Variants in IHO1 observed in about 807,000 individuals in gnomAD.
IHO1 encodes interactor of HORMAD1 protein 1.
IHO1 carries 13 observed loss-of-function variants against 31.0 expected under a neutral mutation model. The observed-to-expected ratio is 0.42, with a 90% CI of 0.27 to 0.67. The LOEUF is 0.67. IHO1 is among the 30% of genes least tolerant of loss of function. The pLI is 0.24. For missense variants in IHO1, 599 were observed against 687.5 expected (o/e 0.87, Z 1.44); for synonymous variants, 221 against 248.4 (o/e 0.89, Z 1.04).
chr3:49,240,246 G>A (rs1389697618), intron 3 of IHO1, among the ~76,000 whole-genome samples: 2 of 151,710 alleles, frequency 1.3e-5, no homozygotes, highest in Admixed American at 6.6e-5. Context: ...GTTTTGAGAC[G>A]GAGTTTCACT....
intron 1 of IHO1, among the ~76,000 whole-genome samples, chr3:49,204,635 G>A (rs2046112865): frequency 6.6e-6 from 1 of 152,104 alleles, no homozygotes; most frequent in South Asian, 2.1e-4. Context: ...ACCAGAAAGG[G>A]GTCCCAGTCC....
At chr3:49,208,236 A>G (rs1031908971) in intron 1 of IHO1, among the ~76,000 whole-genome samples, 3 of 152,198 alleles carry the variant, frequency 2.0e-5, no homozygotes, top group African/African-American at 7.2e-5. Flanking sequence ...GTTCCCTAGA[A>G]CAGGGGTCTC....
the IHO1 span, chr3:49,191,755 A>G: frequency 6.3e-7 from 1 of 1,577,598 alleles, no homozygotes; most frequent in Non-Finnish European, 8.6e-7. Flanking sequence ...CCAGGAGCCT[A>G]CTAAAGCACT....
chr3:49,251,420 G>T (rs2046757966), intron 6 of IHO1, among the ~76,000 whole-genome samples: 1 of 151,626 alleles, frequency 6.6e-6, no homozygotes. Flanking sequence ...TGAGTAGCTG[G>T]GACTACAGGC....
chr3:49,196,329 T>C (rs2045996076), upstream of IHO1, among the ~76,000 whole-genome samples: 1 of 150,284 alleles, frequency 6.7e-6, no homozygotes, highest in African/African-American at 2.4e-5. Context: ...TTTTACTTTT[T>C]TTTTTTTTTT....
chr3:49,241,389 G>T lies in IHO1; in HGVS notation c.395G>T (p.Ser132Ile). ...AAAAGGGCAAAAGACAAATGTGACA[G>T]GTATGTAAACCTTTCAAATGGATGA... ...KKKRAKDKCD[S>I]ETLYNFVSNV... Residue 132 changes from serine to isoleucine, a missense_variant and splice_region_variant, in exon 4 of 8, where the codon AGT becomes ATT. Ser to Ile is a moderately radical substitution (Grantham distance 142). Coordinates refer to ENST00000452691, the MANE Select transcript of IHO1 (RefSeq NM_001135197.2). 1 of 1,607,896 alleles carries T rather than the reference G, an allele frequency of 6.2e-7. No individual in the cohort carries two copies. Among genetic ancestry groups the T allele is most frequent in the Non-Finnish European group, 8.5e-7 (1 of 1,177,512 alleles).
chr3:49,207,047 CAAAAA>C (rs71077775), intron 1 of IHO1, among the ~76,000 whole-genome samples: 1 of 48,736 alleles, frequency 2.1e-5, no homozygotes, highest in Middle Eastern at 0.013. Context: ...GACTCTGTCT[CAAAAA>C]AAAAAAAAAA....
In IHO1 at chr3:49,256,319, G is replaced by A. The variant is rs143925037; in HGVS notation, c.822G>A (p.Ser274=). The A allele has an allele frequency of 1.9e-4, 299 of 1,614,066 alleles. No individual in the cohort carries two copies. The highest frequency in any genetic ancestry group is 4.9e-4 in the Middle Eastern group (3 of 6,062). Residue 274 remains serine, a synonymous_variant, in exon 8 of 8, where the codon TCG becomes TCA. Coordinates refer to ENST00000452691, the MANE Select transcript of IHO1 (RefSeq NM_001135197.2). The surrounding 1 kb of genome is among the most constrained non-coding windows in gnomAD (Gnocchi z 4.6). ...TGAAAGACAGTGCTTCTCAGACGTC[G>A]CCACCTTTGGCCCAGAGCCTCAATC... is the stretch of plus-strand genomic sequence containing the variant. ...PPVKDSASQT[S]PPLAQSLNLT...
At chr3:49,255,251 G>T in intron 6 of IHO1, 139 bp from the exon 7 acceptor site, 2 of 548,654 alleles carry the variant, frequency 3.6e-6, no homozygotes, top group African/African-American at 2.0e-5. Flanking sequence ...GTCAAGGAGG[G>T]AGGGAAGGAG....
intron 2 of IHO1, among the ~76,000 whole-genome samples, chr3:49,217,739 T>C (rs2082923): frequency 0.73 from 111,329 of 152,142 alleles, 41,252 homozygotes; most frequent in East Asian, 0.99. Flanking sequence ...GTCCCATTTG[T>C]GGGTGATGGG....
chr3:49,214,617 TATATATATA>T (rs1386351855), intron 2 of IHO1, among the ~76,000 whole-genome samples: 20 of 31,092 alleles, frequency 6.4e-4, no homozygotes, highest in African/African-American at 2.0e-3. Context: ...CATATATATA[TATATATATA>T]TATATATTTT....
chr3:49,233,616 A>G (rs1285766465), intron 2 of IHO1, among the ~76,000 whole-genome samples: 1 of 151,960 alleles, frequency 6.6e-6, no homozygotes, highest in African/African-American at 2.4e-5. Flanking sequence ...GCAGATCCCA[A>G]CTCCTGCGAG....
chr3:49,255,587 A>AGACTCT, intron 7 of IHO1, 94 bp downstream of exon 7: 1 of 724,568 alleles, frequency 1.4e-6, no homozygotes, highest in Non-Finnish European at 2.1e-6. Context: ...TTTGAGACAG[A>AGACTCT]GTCTCGCTTT....
intron 6 of IHO1, among the ~76,000 whole-genome samples, chr3:49,253,828 C>CTTTTTTT (rs139087366): frequency 1.1e-4 from 8 of 72,242 alleles, no homozygotes; most frequent in Non-Finnish European, 1.4e-4. Flanking sequence ...CTTTATTTGT[C>CTTTTTTT]TTTTTTTTTT....
At chr3:49,200,569 T>TCCATG in intron 1 of IHO1, 1 of 978,128 alleles carries the variant, frequency 1.0e-6, no homozygotes, top group Non-Finnish European at 1.2e-6. Flanking sequence ...GATGAGGTAG[T>TCCATG]CCATGCCAAT....
the IHO1 span, among the ~76,000 whole-genome samples, chr3:49,191,324 G>T: frequency 1.3e-5 from 2 of 152,168 alleles, no homozygotes; most frequent in African/African-American, 4.8e-5. Flanking sequence ...CTCTATTCAG[G>T]TTAGCTCAAC....
At chr3:49,227,520 G>A (rs769533130) in intron 2 of IHO1, among the ~76,000 whole-genome samples, 2 of 152,176 alleles carry the variant, frequency 1.3e-5, no homozygotes, top group Non-Finnish European at 2.9e-5. Context: ...AGACCACAAG[G>A]AGGACTGAGG....
chr3:49,210,198 T>A (rs892600912), intron 1 of IHO1, among the ~76,000 whole-genome samples: 5 of 152,048 alleles, frequency 3.3e-5, no homozygotes, highest in African/African-American at 1.2e-4. Context: ...CTAGCTTGTT[T>A]ATTTATTTAA....
At chr3:49,247,653 G>A (rs1211408070) in intron 6 of IHO1, among the ~76,000 whole-genome samples, 1 of 151,798 alleles carries the variant, frequency 6.6e-6, no homozygotes, top group African/African-American at 2.4e-5. Context: ...AGCAGGGCAT[G>A]GGACATATGC....
Sources: allele counts gnomAD v4.1 joint callset (sites outside exome capture counted in the v4.1 genomes callset), GRCh38; gene constraint gnomAD v4.1.1; non-coding constraint Gnocchi (gnomAD v3.1); transcripts MANE v1.5; gene names NCBI Gene and HGNC (gene_info 2026-07-23, HGNC 2026-07-21).